The following EPN2 variants were observed in gnomAD, a reference collection of about 807,000 sequenced individuals.
EPN2 encodes epsin 2, also known as epsin-2.
In EPN2, 34 loss-of-function variants were observed where a neutral mutation model predicts 61.7. The ratio of observed to expected loss-of-function variants is 0.55; its 90% CI spans 0.42 to 0.73. The LOEUF (loss-of-function observed/expected upper bound fraction) is 0.73. Ranked by LOEUF, EPN2 falls within the 30% of genes least tolerant of loss-of-function variation. The pLI is 0.00. For missense variants in EPN2, 714 were observed against 839.2 expected (o/e 0.85, Z 1.84); for synonymous variants, 349 against 353.6 (o/e 0.99, Z 0.15).
At chr17:19,244,702 TG>T (rs750910618) in intron 1 of EPN2, among the ~76,000 whole-genome samples, 2 of 152,198 alleles carry the variant, frequency 1.3e-5, no homozygotes, top group African/African-American at 4.8e-5. Context: ...TGAGCCCCGA[TG>T]GTTTTTGAAT....
At chr17:19,301,442 A>G (rs1158957633) in intron 4 of EPN2, among the ~76,000 whole-genome samples, 1 of 152,212 alleles carries the variant, frequency 6.6e-6, no homozygotes, top group African/African-American at 2.4e-5. Flanking sequence ...AGCATGACAC[A>G]CTAGCTGATT....
At chr17:19,305,335 C>T (rs1905783839) in intron 4 of EPN2, among the ~76,000 whole-genome samples, 1 of 152,140 alleles carries the variant, frequency 6.6e-6, no homozygotes, top group Non-Finnish European at 1.5e-5. Flanking sequence ...GTTGGCCAGG[C>T]TGATCTCGAA....
intron 4 of EPN2, among the ~76,000 whole-genome samples, chr17:19,295,171 C>T (rs1455134047): frequency 6.6e-6 from 1 of 152,120 alleles, no homozygotes; most frequent in East Asian, 1.9e-4. Context: ...CGTTCATGCC[C>T]CGTGCTGTAT....
chr17:19,317,308 A>G (rs1011458337), intron 7 of EPN2, among the ~76,000 whole-genome samples: 13 of 152,318 alleles, frequency 8.5e-5, no homozygotes, highest in Admixed American at 6.5e-4. Context: ...TCTGTTCCAG[A>G]CACACAAAGC....
chr17:19,253,410 CTTTT>C (rs59492982), intron 1 of EPN2, among the ~76,000 whole-genome samples: 2 of 101,852 alleles, frequency 2.0e-5, no homozygotes, highest in African/African-American at 4.2e-5. Flanking sequence ...TAAATAGTTG[CTTTT>C]TTTTTTTTTT....
intron 4 of EPN2, among the ~76,000 whole-genome samples, chr17:19,309,142 C>CTTT (rs1196924683): frequency 8.4e-5 from 11 of 131,696 alleles, no homozygotes; most frequent in Admixed American, 2.3e-4. Flanking sequence ...AAGGTCAACT[C>CTTT]TTTTTTTTTT....
chr17:19,291,798 C>A (rs1175241760), intron 4 of EPN2, among the ~76,000 whole-genome samples: 1 of 152,190 alleles, frequency 6.6e-6, no homozygotes, highest in Non-Finnish European at 1.5e-5. Flanking sequence ...TGCGCTGTTT[C>A]ATGAGTATGT....
At chr17:19,291,893 A>G (rs986863979) in intron 4 of EPN2, among the ~76,000 whole-genome samples, 3 of 152,190 alleles carry the variant, frequency 2.0e-5, no homozygotes, top group Non-Finnish European at 4.4e-5. Flanking sequence ...GGGGTGAACC[A>G]GAGTTGTCAT....
intron 1 of EPN2, among the ~76,000 whole-genome samples, chr17:19,261,538 T>C (rs1485602460): frequency 6.6e-6 from 1 of 152,252 alleles, no homozygotes; most frequent in East Asian, 1.9e-4. Context: ...GCAGAGTCTT[T>C]AAATAATTCT....
At chr17:19,307,132 T>C (rs1346282216) in intron 4 of EPN2, among the ~76,000 whole-genome samples, 1 of 152,192 alleles carries the variant, frequency 6.6e-6, no homozygotes, top group African/African-American at 2.4e-5. Flanking sequence ...CAAAAAAATA[T>C]ACTTTTTGTT....
chr17:19,275,999 G>A (rs2152214231), intron 1 of EPN2, among the ~76,000 whole-genome samples: 1 of 152,310 alleles, frequency 6.6e-6, no homozygotes, highest in Non-Finnish European at 1.5e-5. Context: ...TTGACACTGT[G>A]TGGTTAACAA....
At chr17:19,302,547 G>C (rs1179963923) in intron 4 of EPN2, among the ~76,000 whole-genome samples, 1 of 152,146 alleles carries the variant, frequency 6.6e-6, no homozygotes. Flanking sequence ...AATGCCTGAT[G>C]GTCAGTGTTT....
At chr17:19,305,492 G>A (rs1439919993) in intron 4 of EPN2, among the ~76,000 whole-genome samples, 4 of 152,140 alleles carry the variant, frequency 2.6e-5, no homozygotes, top group African/African-American at 9.7e-5. Context: ...GATTAGAGGA[G>A]GCTTTTTAAT....
intron 7 of EPN2, among the ~76,000 whole-genome samples, chr17:19,321,691 G>A (rs910331804): frequency 6.8e-6 from 1 of 147,376 alleles, no homozygotes; most frequent in Admixed American, 6.8e-5. Context: ...CAGGGCTGCA[G>A]GGAAAGCGAG....
intron 4 of EPN2, among the ~76,000 whole-genome samples, chr17:19,308,966 A>C (rs906265360): frequency 6.7e-6 from 1 of 149,794 alleles, no homozygotes; most frequent in African/African-American, 2.5e-5. Flanking sequence ...GGAGCTGCTT[A>C]GAAGTATTTA....
At chr17:19,294,691 CT>C (rs1349193269) in intron 4 of EPN2, among the ~76,000 whole-genome samples, 3 of 152,088 alleles carry the variant, frequency 2.0e-5, no homozygotes, top group Non-Finnish European at 4.4e-5. Context: ...TCTTTTTTCC[CT>C]AAATCACTAG....
At chr17:19,258,717 G>T (rs552578189) in intron 1 of EPN2, among the ~76,000 whole-genome samples, 6 of 152,144 alleles carry the variant, frequency 3.9e-5, no homozygotes, top group African/African-American at 7.2e-5. Context: ...CCTTGGCGTC[G>T]ATGCTGCGTG....
chr17:19,267,933 A>G (rs948483997), intron 1 of EPN2, among the ~76,000 whole-genome samples: 2 of 152,192 alleles, frequency 1.3e-5, no homozygotes, highest in Non-Finnish European at 2.9e-5. Flanking sequence ...CATTGTTACT[A>G]TTGAGAAGAG....
intron 1 of EPN2, among the ~76,000 whole-genome samples, chr17:19,238,035 C>G (rs2044837745): frequency 6.6e-6 from 1 of 152,018 alleles, no homozygotes; most frequent in Non-Finnish European, 1.5e-5. Flanking sequence ...GTCCTTATCT[C>G]TGTCCGGGAT....
Sources: allele counts gnomAD v4.1 joint callset (sites outside exome capture counted in the v4.1 genomes callset), GRCh38; gene constraint gnomAD v4.1.1; transcripts MANE v1.5; gene names NCBI Gene and HGNC (gene_info 2026-07-23, HGNC 2026-07-21).